The following SPMIP2 variants were observed in gnomAD, a reference collection of about 807,000 sequenced individuals.
The protein encoded by SPMIP2 is protein SPMIP2.
At chr4:158,916,694 A>G in the SPMIP2 span, among the ~76,000 whole-genome samples, 1 of 152,144 alleles carries the variant, frequency 6.6e-6, no homozygotes, top group Non-Finnish European at 1.5e-5. Flanking sequence ...CCCAGGCTGG[A>G]GTGCAATGAC....
the SPMIP2 span, among the ~76,000 whole-genome samples, chr4:158,923,225 C>T: frequency 5.3e-5 from 8 of 152,084 alleles, no homozygotes; most frequent in Admixed American, 1.3e-4. Flanking sequence ...AGGATTGTTT[C>T]GACTATTCTG....
chr4:159,004,947 C>A, the SPMIP2 span, among the ~76,000 whole-genome samples: 1 of 151,974 alleles, frequency 6.6e-6, no homozygotes, highest in South Asian at 2.1e-4. Flanking sequence ...TTTAAAAAAC[C>A]ATCGGCCAGA....
chr4:158,928,904 G>A, the SPMIP2 span, among the ~76,000 whole-genome samples: 3 of 151,948 alleles, frequency 2.0e-5, no homozygotes, highest in Non-Finnish European at 4.4e-5. Flanking sequence ...CTGAGCCAGC[G>A]AGACCACGAT....
the SPMIP2 span, among the ~76,000 whole-genome samples, chr4:158,954,130 T>C: frequency 2.0e-5 from 3 of 152,148 alleles, no homozygotes; most frequent in Non-Finnish European, 4.4e-5. Context: ...CAGAATGATA[T>C]GGTTTGGCTC....
chr4:158,928,973 C>T, the SPMIP2 span, among the ~76,000 whole-genome samples: 6 of 152,286 alleles, frequency 3.9e-5, no homozygotes, highest in Non-Finnish European at 5.9e-5. Context: ...AAACTCCAGA[C>T]GCGCCACCTT....
chr4:158,899,195 A>ATAT, the SPMIP2 span, among the ~76,000 whole-genome samples: 1 of 152,180 alleles, frequency 6.6e-6, no homozygotes, highest in African/African-American at 2.4e-5. Context: ...CCAGGGATGA[A>ATAT]GCCAGCTGGA....
chr4:159,052,024 A>G, the SPMIP2 span, among the ~76,000 whole-genome samples: 5 of 152,068 alleles, frequency 3.3e-5, no homozygotes, highest in African/African-American at 1.2e-4. Flanking sequence ...CTAAAAAAAA[A>G]ACAAAAACAA....
the SPMIP2 span, among the ~76,000 whole-genome samples, chr4:158,931,680 A>T: frequency 1.3e-5 from 2 of 151,908 alleles, no homozygotes; most frequent in Non-Finnish European, 1.5e-5. Context: ...CTTGTACCTC[A>T]GTCTCCCAAG....
chr4:159,035,081 A>G, the SPMIP2 span: 1 of 1,613,162 alleles, frequency 6.2e-7, no homozygotes, highest in South Asian at 1.1e-5. Flanking sequence ...GGCTTTTGGT[A>G]TGATACAGAT....
the SPMIP2 span, among the ~76,000 whole-genome samples, chr4:158,958,615 A>G: frequency 6.6e-6 from 1 of 152,200 alleles, no homozygotes; most frequent in East Asian, 1.9e-4. Context: ...ACTGAAAAGA[A>G]CAGAACATGA....
chr4:158,906,604 G>A, the SPMIP2 span: 1 of 152,138 alleles, frequency 6.6e-6, no homozygotes, highest in Non-Finnish European at 1.5e-5. Flanking sequence ...CTCACTCTTG[G>A]AAAAATGCCT....
the SPMIP2 span, among the ~76,000 whole-genome samples, chr4:159,032,755 A>G: frequency 6.6e-6 from 1 of 151,458 alleles, no homozygotes; most frequent in African/African-American, 2.4e-5. Context: ...AAAAGAAAAC[A>G]CAGGATAAAA....
the SPMIP2 span, among the ~76,000 whole-genome samples, chr4:159,047,601 T>C: frequency 8.5e-3 from 1,289 of 152,340 alleles, 24 homozygotes; most frequent in African/African-American, 0.03. Flanking sequence ...CATAGTCACA[T>C]TGCCACAGAT....
chr4:159,052,361 T>C, the SPMIP2 span, among the ~76,000 whole-genome samples: 1 of 150,772 alleles, frequency 6.6e-6, no homozygotes, highest in East Asian at 1.9e-4. Context: ...ATGAGTTAAG[T>C]AGACCCTGAA....
At chr4:158,954,101 G>T in the SPMIP2 span, among the ~76,000 whole-genome samples, 1 of 152,178 alleles carries the variant, frequency 6.6e-6, no homozygotes, top group African/African-American at 2.4e-5. Flanking sequence ...GAAGACATGA[G>T]ATTTGGAGGG....
the SPMIP2 span, among the ~76,000 whole-genome samples, chr4:158,920,195 T>G: frequency 7.2e-5 from 11 of 152,250 alleles, no homozygotes; most frequent in Non-Finnish European, 1.6e-4. Context: ...AAGCTGAGGA[T>G]GTACGTCACC....
the SPMIP2 span, among the ~76,000 whole-genome samples, chr4:159,056,864 C>T: frequency 5.9e-5 from 9 of 152,124 alleles, no homozygotes; most frequent in East Asian, 1.3e-3. Context: ...TGAAGTAGGC[C>T]GTTCATTCTA....
chr4:159,062,697 G>GTCTCTCTCTCTCTCTCCCTCTCTC, the SPMIP2 span, among the ~76,000 whole-genome samples: 1 of 95,112 alleles, frequency 1.1e-5, no homozygotes, highest in Non-Finnish European at 2.2e-5. Context: ...TTGAAACAGG[G>GTCTCTCTCTCTCTCTCCCTCTCTC]TCTCTCTCTC....
the SPMIP2 span, among the ~76,000 whole-genome samples, chr4:158,977,142 A>T: frequency 6.6e-6 from 1 of 151,852 alleles, no homozygotes; most frequent in African/African-American, 2.4e-5. Flanking sequence ...CTCTTTTTCT[A>T]TTGTTTGGAA....
Sources: allele counts gnomAD v4.1 joint callset (sites outside exome capture counted in the v4.1 genomes callset), GRCh38; gene constraint gnomAD v4.1.1; transcripts MANE v1.5; gene names NCBI Gene and HGNC (gene_info 2026-07-23, HGNC 2026-07-21).